The following TRPC4 variants were observed in gnomAD, a reference collection of about 807,000 sequenced individuals.
TRPC4 encodes transient receptor potential cation channel subfamily C member 4, also known as short transient receptor potential channel 4.
Under a neutral mutation model 99.4 loss-of-function variants are expected in TRPC4, and 49 were observed. That is an observed-to-expected ratio of 0.49 (90% CI 0.39 to 0.63). The LOEUF is 0.63. Ranked by LOEUF, TRPC4 falls within the 20% of genes least tolerant of loss-of-function variation. The pLI, the probability that TRPC4 is intolerant of heterozygous loss-of-function variation, is 0.00. For missense variants in TRPC4, 898 were observed against 1,152.9 expected (o/e 0.78, Z 3.20); for synonymous variants, 454 against 425.9 (o/e 1.07, Z -0.81).
chr13:37,719,425 A>G (rs1954789888), intron 3 of TRPC4, among the ~76,000 whole-genome samples: 1 of 152,166 alleles, frequency 6.6e-6, no homozygotes, highest in Non-Finnish European at 1.5e-5. Context: ...GCCAACAGAC[A>G]TGTACTACAA....
intron 3 of TRPC4, among the ~76,000 whole-genome samples, chr13:37,696,316 G>T (rs1953903350): frequency 6.6e-6 from 1 of 152,030 alleles, no homozygotes; most frequent in Non-Finnish European, 1.5e-5. Flanking sequence ...TTTGGGTGGG[G>T]ACACAGCCAA....
chr13:37,763,820 G>C (rs1956287854), intron 2 of TRPC4, among the ~76,000 whole-genome samples: 1 of 151,702 alleles, frequency 6.6e-6, no homozygotes, highest in African/African-American at 2.4e-5. Flanking sequence ...GTGCTAGATA[G>C]AGTGAGCAGG....
intron 2 of TRPC4, among the ~76,000 whole-genome samples, chr13:37,767,164 A>G (rs550918399): frequency 5.8e-4 from 87 of 151,248 alleles, no homozygotes; most frequent in Non-Finnish European, 1.1e-3. Context: ...CTTCTCATTC[A>G]TTGCCTTTTG....
At chr13:37,642,736 CTTT>C (rs796528635) in intron 8 of TRPC4, among the ~76,000 whole-genome samples, 7 of 2,802 alleles carry the variant, frequency 2.5e-3, no homozygotes, top group Admixed American at 0.021. Flanking sequence ...CTTTCTTTTT[CTTT>C]TTTTTTTTTT....
At chr13:37,744,893 T>A (rs1375750441) in intron 3 of TRPC4, among the ~76,000 whole-genome samples, 2 of 152,078 alleles carry the variant, frequency 1.3e-5, no homozygotes, top group Non-Finnish European at 2.9e-5. Context: ...GTAAGAAGTA[T>A]GAGATTCTGT....
intron 8 of TRPC4, among the ~76,000 whole-genome samples, chr13:37,639,918 A>G (rs1951662613): frequency 6.6e-6 from 1 of 152,026 alleles, no homozygotes; most frequent in South Asian, 2.1e-4. Context: ...AGGCATCAGA[A>G]TGGTTTGAGA....
intron 3 of TRPC4, among the ~76,000 whole-genome samples, chr13:37,732,543 GA>G (rs1309826918): frequency 2.6e-5 from 4 of 152,054 alleles, no homozygotes; most frequent in Non-Finnish European, 4.4e-5. Context: ...GTTCAACGAC[GA>G]CATGTCTTAC....
chr13:37,806,129 G>A (rs566577038), intron 1 of TRPC4, among the ~76,000 whole-genome samples: 2 of 152,052 alleles, frequency 1.3e-5, no homozygotes, highest in East Asian at 3.9e-4. Flanking sequence ...CAAGGGACAT[G>A]TTTTCTGGAC....
At chr13:37,839,452 C>G (rs539226807) in intron 1 of TRPC4, among the ~76,000 whole-genome samples, 3 of 152,220 alleles carry the variant, frequency 2.0e-5, no homozygotes, top group South Asian at 4.2e-4. Context: ...TTAAAGAGAA[C>G]ATGATATCAA....
In TRPC4 at chr13:37,729,759, T is replaced by A. The variant is rs186724882; in HGVS notation, c.897+16178A>T. Among the ~76,000 whole-genome samples, 646 of 152,204 alleles carry A rather than the reference T, an allele frequency of 4.2e-3. 5 individuals are homozygous for A. The highest frequency in any genetic ancestry group is 0.015 in the African/African-American group (618 of 41,556). On this transcript the variant is annotated intron_variant, in intron 3 of 10. Coordinates refer to ENST00000379705, the MANE Select transcript of TRPC4 (RefSeq NM_016179.4). Reference sequence around the variant, plus strand: ...AGACAAAGGCAAATATATAATTCCATTTTTATGAGGTAATTAGTCAAAATT... The same window carrying A: ...AGACAAAGGCAAATATATAATTCCAATTTTATGAGGTAATTAGTCAAAATT...
In TRPC4 at chr13:37,639,032, A is replaced by G; in HGVS notation, c.2211+8T>C. 1 of 1,613,258 alleles carries G rather than the reference A, an allele frequency of 6.2e-7. No homozygotes were observed. The highest frequency in any genetic ancestry group is 8.5e-7 in the Non-Finnish European group (1 of 1,179,336). On this transcript the variant is annotated splice_region_variant and intron_variant, in intron 10 of 10. Transcript: ENST00000379705. ...TCTGCCTCTTGTGATGAAGATGAAAATGGTTACCTTAAAGTTCTCTTCGGT... is the reference window on the plus strand; with the variant it reads ...TCTGCCTCTTGTGATGAAGATGAAAGTGGTTACCTTAAAGTTCTCTTCGGT...
intron 3 of TRPC4, among the ~76,000 whole-genome samples, chr13:37,745,736 C>A (rs1317292777): frequency 6.6e-6 from 1 of 151,546 alleles, no homozygotes; most frequent in Non-Finnish European, 1.5e-5. Context: ...AAGACAGAGG[C>A]CAAAAACATC....
intron 8 of TRPC4, among the ~76,000 whole-genome samples, chr13:37,641,251 C>G (rs573268182): frequency 1.0e-3 from 155 of 152,116 alleles, no homozygotes; most frequent in African/African-American, 3.6e-3. Context: ...TGGGAAAAAA[C>G]TTAAAAAATC....
chr13:37,773,466 T>C (rs1267112376), intron 2 of TRPC4, among the ~76,000 whole-genome samples: 1 of 151,838 alleles, frequency 6.6e-6, no homozygotes, highest in East Asian at 1.9e-4. Context: ...ACTGAACCCC[T>C]GTTACTTAGT....
chr13:37,770,111 A>AT (rs1296228332), intron 2 of TRPC4, among the ~76,000 whole-genome samples: 2 of 151,412 alleles, frequency 1.3e-5, no homozygotes, highest in East Asian at 3.9e-4. Context: ...TTTTATTTAT[A>AT]TTTTTTCCTG....
At chr13:37,843,107 A>G (rs1958790426) in intron 1 of TRPC4, among the ~76,000 whole-genome samples, 1 of 152,220 alleles carries the variant, frequency 6.6e-6, no homozygotes, top group African/African-American at 2.4e-5. Context: ...GAATTTGTGA[A>G]GTTTGGGTTG....
intron 2 of TRPC4, among the ~76,000 whole-genome samples, chr13:37,746,957 A>G (rs918139411): frequency 6.6e-6 from 1 of 152,086 alleles, no homozygotes; most frequent in African/African-American, 2.4e-5. Flanking sequence ...CTGCTTTCCT[A>G]TCATTCAGCC....
chr13:37,676,722 G>A (rs556001273), intron 4 of TRPC4, among the ~76,000 whole-genome samples: 187 of 152,024 alleles, frequency 1.2e-3, no homozygotes, highest in Non-Finnish European at 2.3e-3. Flanking sequence ...GTTAACCCAG[G>A]ATTCTATATA....
chr13:37,657,412 CCATGG>C (rs1168829740), intron 6 of TRPC4, among the ~76,000 whole-genome samples: 8 of 152,180 alleles, frequency 5.3e-5, no homozygotes, highest in African/African-American at 1.7e-4. Flanking sequence ...TAAATTTGGC[CCATGG>C]CCATGAATTC....
Sources: gnomAD v4.1 joint callset for allele counts (sites outside exome capture counted in the v4.1 genomes callset) on GRCh38, gnomAD v4.1.1 for gene constraint, MANE v1.5 for transcripts, NCBI Gene and HGNC (gene_info 2026-07-23, HGNC 2026-07-21) for gene names.